The following SH3GL2 variants were observed in gnomAD, a reference collection of about 807,000 sequenced individuals.
The protein encoded by SH3GL2 is SH3 domain containing GRB2 like 2, endophilin A1.
Under a neutral mutation model 46.0 loss-of-function variants are expected in SH3GL2, and 24 were observed. That is an observed-to-expected ratio of 0.52 (90% confidence interval 0.38 to 0.73). SH3GL2 has a LOEUF of 0.73. Among genes scored for constraint, SH3GL2 ranks in the 30% least tolerant of loss-of-function variants. SH3GL2 has a pLI of 0.00. For missense variants in SH3GL2, 413 were observed against 424.2 expected (o/e 0.97, Z 0.23); for synonymous variants, 196 against 147.1 (o/e 1.33, Z -2.40).
At chr9:17,740,045 T>A (rs1383892691) in intron 1 of SH3GL2, among the ~76,000 whole-genome samples, 2 of 152,144 alleles carry the variant, frequency 1.3e-5, no homozygotes, top group Non-Finnish European at 2.9e-5. Context: ...AGAAAATCAG[T>A]GTTCATCCTG....
intron 1 of SH3GL2, among the ~76,000 whole-genome samples, chr9:17,741,177 CTGTTT>C: frequency 6.6e-6 from 1 of 152,078 alleles, no homozygotes; most frequent in East Asian, 1.9e-4. Context: ...TAAAGTAATT[CTGTTT>C]TAATATGAGT....
intron 1 of SH3GL2, among the ~76,000 whole-genome samples, chr9:17,690,703 G>A (rs3808714): frequency 5.3e-5 from 8 of 151,860 alleles, no homozygotes; most frequent in Admixed American, 4.6e-4. Flanking sequence ...TTCCTAGCCC[G>A]TCACATTTAT....
chr9:17,734,680 T>G (rs958326823), intron 1 of SH3GL2, among the ~76,000 whole-genome samples: 3 of 152,070 alleles, frequency 2.0e-5, no homozygotes, highest in African/African-American at 7.2e-5. Context: ...CATAATGCTA[T>G]GTGAAACAAG....
At chr9:17,760,449 TTGGTATATACTGATATTATAC>T (rs1248934022) in intron 2 of SH3GL2, among the ~76,000 whole-genome samples, 1 of 151,984 alleles carries the variant, frequency 6.6e-6, no homozygotes, top group Non-Finnish European at 1.5e-5. Flanking sequence ...CCGGTATATA[TTGGTATATACTGATATTATAC>T]TGGTATATAC....
intron 1 of SH3GL2, among the ~76,000 whole-genome samples, chr9:17,649,460 A>C (rs1356013676): frequency 6.6e-6 from 1 of 152,214 alleles, no homozygotes; most frequent in Non-Finnish European, 1.5e-5. Context: ...ATTTGGTTGG[A>C]TCTCTGTTTT....
intron 1 of SH3GL2, among the ~76,000 whole-genome samples, chr9:17,618,166 T>G (rs184596740): frequency 1.4e-4 from 21 of 152,320 alleles, no homozygotes; most frequent in African/African-American, 5.0e-4. Context: ...TTTGGCAATG[T>G]CTGGAGACAT....
intron 1 of SH3GL2, among the ~76,000 whole-genome samples, chr9:17,719,166 A>G (rs775329056): frequency 4.6e-5 from 7 of 152,140 alleles, no homozygotes; most frequent in African/African-American, 1.7e-4. Flanking sequence ...GTGAAAACCA[A>G]TTGAATGTCA....
At chr9:17,643,168 C>T (rs980507937) in intron 1 of SH3GL2, among the ~76,000 whole-genome samples, 4 of 152,124 alleles carry the variant, frequency 2.6e-5, no homozygotes, top group African/African-American at 7.2e-5. Context: ...TGGGAGTTTG[C>T]TCATGATTTG....
intron 1 of SH3GL2, among the ~76,000 whole-genome samples, chr9:17,613,582 T>C (rs530473269): frequency 6.6e-6 from 1 of 152,314 alleles, no homozygotes; most frequent in South Asian, 2.1e-4. Flanking sequence ...GAGATTGTTA[T>C]TTGTCAAATA....
intron 2 of SH3GL2, among the ~76,000 whole-genome samples, chr9:17,755,107 A>G (rs983200175): frequency 3.9e-5 from 6 of 152,128 alleles, no homozygotes; most frequent in African/African-American, 1.2e-4. Flanking sequence ...ATTCAGTATG[A>G]TGTTGGATAT....
intron 1 of SH3GL2, among the ~76,000 whole-genome samples, chr9:17,605,947 C>T (rs551062017): frequency 5.3e-5 from 8 of 152,218 alleles, no homozygotes; most frequent in Admixed American, 1.3e-4. Context: ...AAAGTCAACA[C>T]GTTATTTTTT....
intron 1 of SH3GL2, among the ~76,000 whole-genome samples, chr9:17,627,622 G>A (rs1158193313): frequency 2.0e-5 from 3 of 152,162 alleles, no homozygotes; most frequent in Non-Finnish European, 2.9e-5. Context: ...GAATTGCTAT[G>A]AATATAGTAA....
In SH3GL2 at chr9:17,711,961, C is replaced by A. The variant is rs80275238; in HGVS notation, c.46-35105C>A. 3.5e-3 allele frequency among the ~76,000 whole-genome samples: 530 copies of A among 151,858 alleles called. 6 individuals are homozygous for A. The highest frequency in any genetic ancestry group is 0.011 in the African/African-American group (444 of 41,496). ...TACTAGAGTTTCTGTTGCTCTACAC[C>A]CTCACTAATACTTGGCATGGCAGAC... On this transcript the variant is annotated intron_variant, in intron 1 of 8. Coordinates refer to ENST00000380607, the MANE Select transcript of SH3GL2 (RefSeq NM_003026.5).
intron 1 of SH3GL2, among the ~76,000 whole-genome samples, chr9:17,631,743 T>C (rs982775864): frequency 6.6e-5 from 10 of 152,160 alleles, no homozygotes; most frequent in African/African-American, 2.4e-4. Flanking sequence ...AACTTAACAA[T>C]TTACTATACT....
chr9:17,605,331 T>TCATC (rs1327456452), intron 1 of SH3GL2, among the ~76,000 whole-genome samples: 8 of 152,164 alleles, frequency 5.3e-5, no homozygotes, highest in African/African-American at 1.9e-4. Flanking sequence ...CACTACTGAC[T>TCATC]CATCCTCTTC....
At chr9:17,707,684 A>T (rs2118247223) in intron 1 of SH3GL2, among the ~76,000 whole-genome samples, 1 of 152,162 alleles carries the variant, frequency 6.6e-6, no homozygotes, top group Non-Finnish European at 1.5e-5. Context: ...AACTATAGAT[A>T]TGTTTGGGCA....
At chr9:17,599,822 G>A (rs1364614195) in intron 1 of SH3GL2, among the ~76,000 whole-genome samples, 3 of 151,738 alleles carry the variant, frequency 2.0e-5, no homozygotes, top group Non-Finnish European at 2.9e-5. Flanking sequence ...GCTTTCAAAC[G>A]TTTTCTTTTT....
At chr9:17,650,067 G>C (rs1376220146) in intron 1 of SH3GL2, among the ~76,000 whole-genome samples, 1 of 152,190 alleles carries the variant, frequency 6.6e-6, no homozygotes, top group Non-Finnish European at 1.5e-5. Flanking sequence ...TCCCTGGAGA[G>C]AGTAGAGTTG....
intron 1 of SH3GL2, among the ~76,000 whole-genome samples, chr9:17,622,986 GTTTCCTTTCCTTTCCTTTCCTTTCCTTTC>G (rs1819182134): frequency 1.0e-5 from 1 of 99,352 alleles, no homozygotes; most frequent in Non-Finnish European, 2.0e-5. Context: ...GTTTCCTTTC[GTTTCCTTTCCTTTCCTTTCCTTTCCTTTC>G]CTTTCCTTTC....
Sources: gnomAD v4.1 joint callset for allele counts (sites outside exome capture counted in the v4.1 genomes callset) on GRCh38, gnomAD v4.1.1 for gene constraint, MANE v1.5 for transcripts, NCBI Gene and HGNC (gene_info 2026-07-23, HGNC 2026-07-21) for gene names.